The following ITPR2 variants were observed in gnomAD, a reference collection of about 807,000 sequenced individuals.
ITPR2 encodes inositol 1,4,5-trisphosphate receptor type 2.
In ITPR2, 207 loss-of-function variants were observed where a neutral mutation model predicts 317.1. The ratio of observed to expected loss-of-function variants is 0.65; its 90% CI spans 0.58 to 0.73. ITPR2 has a LOEUF of 0.73. Among genes scored for constraint, ITPR2 ranks in the 30% least tolerant of loss-of-function variants. ITPR2 has a pLI of 0.00. For synonymous variants in ITPR2, 1,156 were observed against 1,149.1 expected (o/e 1.01, Z -0.12); for missense variants, 2,613 against 3,284.0 (o/e 0.80, Z 4.99).
At chr12:26,704,100 G>A (rs979759778) in intron 9 of ITPR2, among the ~76,000 whole-genome samples, 2 of 152,106 alleles carry the variant, frequency 1.3e-5, no homozygotes, top group South Asian at 4.1e-4. Context: ...CTCTAACTGC[G>A]CTATATTATT....
chr12:26,363,015 C>T (rs1397359588), intron 55 of ITPR2, among the ~76,000 whole-genome samples: 1 of 152,196 alleles, frequency 6.6e-6, no homozygotes, highest in African/African-American at 2.4e-5. Context: ...GGCCCCCAAA[C>T]CCTGGGCCAT....
chr12:26,833,115 T>G lies in ITPR2; in HGVS notation c.-334A>C. 32 of 261,902 alleles carry G rather than the reference T, an allele frequency of 1.2e-4. No homozygotes were observed. The highest frequency in any genetic ancestry group is 2.7e-4 in the East Asian group (2 of 7,410). The allele number at this position is 261,902 out of a possible 1,614,324, so 16.2% of individuals were successfully genotyped here. A position where few individuals can be genotyped will look rare whatever the true frequency, so the allele number is the denominator to read the frequency against. On this transcript the variant is annotated 5_prime_UTR_variant, in exon 1 of 57. Coordinates refer to ENST00000381340, the MANE Select transcript of ITPR2 (RefSeq NM_002223.4). ...ACACCTTTGCTCCTCCTCCTCCTCCTTCCCTCTCCGCTCCCCACTCCGTGT... is the reference window on the plus strand; with the variant it reads ...ACACCTTTGCTCCTCCTCCTCCTCCGTCCCTCTCCGCTCCCCACTCCGTGT...
intron 26 of ITPR2, among the ~76,000 whole-genome samples, chr12:26,603,417 C>A (rs988784458): frequency 6.6e-6 from 1 of 152,110 alleles, no homozygotes; most frequent in Admixed American, 6.5e-5. Context: ...CAACTACTGG[C>A]GTCACCTTAT....
intron 54 of ITPR2, among the ~76,000 whole-genome samples, chr12:26,395,550 C>A (rs947122802): frequency 6.6e-6 from 1 of 152,178 alleles, no homozygotes; most frequent in Admixed American, 6.5e-5. Flanking sequence ...AAGAGCATCT[C>A]TTTCAGAGGT....
intron 37 of ITPR2, among the ~76,000 whole-genome samples, chr12:26,509,310 A>C (rs1351671291): frequency 6.6e-6 from 1 of 152,246 alleles, no homozygotes; most frequent in Non-Finnish European, 1.5e-5. Flanking sequence ...TTCTAAAATT[A>C]AACAGCAGTA....
chr12:26,823,326 C>G (rs1950966454), intron 1 of ITPR2, among the ~76,000 whole-genome samples: 1 of 152,096 alleles, frequency 6.6e-6, no homozygotes, highest in South Asian at 2.1e-4. Flanking sequence ...AGACAGTATC[C>G]ATTCCTGACC....
rs371747205 is a variant in ITPR2, at chr12:26,399,059, A to T, written c.7531-18T>A. 4.5e-4 allele frequency: 700 copies of T among 1,546,736 alleles called. 2 individuals are homozygous for T. The highest frequency in any genetic ancestry group is 3.3e-3 in the East Asian group (146 of 43,588). ...AAGGGCTCCTGAAATAAAAATATTT[A>T]AAAAAATCACACTAGGCATAGTGAT... On this transcript the variant is annotated intron_variant, in intron 53 of 56. Coordinates refer to ENST00000381340, the MANE Select transcript of ITPR2 (RefSeq NM_002223.4).
chr12:26,771,665 A>C (rs543857303), intron 2 of ITPR2, among the ~76,000 whole-genome samples: 1 of 152,090 alleles, frequency 6.6e-6, no homozygotes, highest in East Asian at 1.9e-4. Flanking sequence ...CAGGTGCCCA[A>C]CACCACGCCT....
intron 42 of ITPR2, among the ~76,000 whole-genome samples, chr12:26,482,690 T>C (rs1040193822): frequency 1.3e-5 from 2 of 152,166 alleles, no homozygotes; most frequent in African/African-American, 4.8e-5. Context: ...AATACCCCCA[T>C]AACAAATTGT....
At chr12:26,461,123 CT>C (rs1318707683) in intron 45 of ITPR2, among the ~76,000 whole-genome samples, 6 of 152,108 alleles carry the variant, frequency 3.9e-5, no homozygotes, top group African/African-American at 1.4e-4. Context: ...CTGGAGTGTT[CT>C]TTTTTATGCA....
chr12:26,713,643 G>C lies in ITPR2; in HGVS notation c.855+1656C>G, dbSNP rs140661255. Among the ~76,000 whole-genome samples, 15 of 152,272 alleles carry C rather than the reference G, an allele frequency of 9.9e-5. 1 individual carries two copies. Among genetic ancestry groups the C allele is most frequent in the African/African-American group, 3.1e-4 (13 of 41,574 alleles). On this transcript the variant is annotated intron_variant, in intron 8 of 56. Coordinates refer to ENST00000381340, the MANE Select transcript of ITPR2 (RefSeq NM_002223.4). The stretch of plus-strand genomic sequence containing the variant: ...GCTATAAAACTAAAAGCAAAAATAT[G>C]AGAGAATTTTCAAAACTCCTTTTAA...
intron 1 of ITPR2, among the ~76,000 whole-genome samples, chr12:26,828,602 C>T (rs1194661805): frequency 6.6e-6 from 1 of 152,106 alleles, no homozygotes; most frequent in African/African-American, 2.4e-5. Context: ...TATTCCATGG[C>T]CTTAATTAAG....
chr12:26,624,282 T>C lies in ITPR2; in HGVS notation c.3122+17A>G, dbSNP rs778625137. 2 of 1,536,452 alleles carry C rather than the reference T, an allele frequency of 1.3e-6. No individual in the cohort carries two copies. The highest frequency in any genetic ancestry group is 9.0e-7 in the Non-Finnish European group (1 of 1,114,064). ...GTTATTCACAAGTAAGATAAAGATA[T>C]ATAAATGTTACTATACCTTCCCGCA... On this transcript the variant is annotated intron_variant, in intron 24 of 56. Transcript: ENST00000381340.
At chr12:26,616,089 G>A (rs1489666305) in intron 26 of ITPR2, among the ~76,000 whole-genome samples, 1 of 151,570 alleles carries the variant, frequency 6.6e-6, no homozygotes, top group Non-Finnish European at 1.5e-5. Context: ...AACAAAAAAG[G>A]TAAATTTTGC....
chr12:26,588,842 C>A (rs763734972), intron 32 of ITPR2, among the ~76,000 whole-genome samples: 1 of 152,220 alleles, frequency 6.6e-6, no homozygotes, highest in Non-Finnish European at 1.5e-5. Context: ...ATTTCTTGGT[C>A]TAATTTCATT....
chr12:26,824,127 G>T (rs576120294), intron 1 of ITPR2, among the ~76,000 whole-genome samples: 1 of 152,054 alleles, frequency 6.6e-6, no homozygotes, highest in Non-Finnish European at 1.5e-5. Flanking sequence ...CCTTCTTTAC[G>T]TGTTCTCAGA....
chr12:26,406,821 G>A (rs1940368880), intron 52 of ITPR2, among the ~76,000 whole-genome samples: 1 of 152,132 alleles, frequency 6.6e-6, no homozygotes, highest in African/African-American at 2.4e-5. Context: ...CCAAACGCTA[G>A]CAGATCAAAT....
chr12:26,424,737 G>A (rs759990518), intron 49 of ITPR2, among the ~76,000 whole-genome samples: 8 of 151,460 alleles, frequency 5.3e-5, no homozygotes, highest in Admixed American at 6.6e-5. Flanking sequence ...TTACAGGCAC[G>A]AGCCACCATG....
chr12:26,595,799 C>T (rs1945828064), intron 31 of ITPR2, among the ~76,000 whole-genome samples: 1 of 152,194 alleles, frequency 6.6e-6, no homozygotes, highest in Non-Finnish European at 1.5e-5. Flanking sequence ...CTCCATCCCC[C>T]TGGGCCAACC....
Sources: allele counts gnomAD v4.1 joint callset (sites outside exome capture counted in the v4.1 genomes callset), GRCh38; gene constraint gnomAD v4.1.1; transcripts MANE v1.5; gene names NCBI Gene and HGNC (gene_info 2026-07-23, HGNC 2026-07-21).